The following NCOA1 variants were observed in gnomAD, a reference collection of about 807,000 sequenced individuals.
NCOA1 encodes the protein Hin-2 protein.
Under a neutral mutation model 150.9 loss-of-function variants are expected in NCOA1, and 35 were observed. The ratio of observed to expected loss-of-function variants is 0.23; its 90% CI spans 0.18 to 0.31. NCOA1 has a LOEUF of 0.31. NCOA1 is among the 10% of genes least tolerant of loss of function. The pLI, the probability that NCOA1 is intolerant of heterozygous loss-of-function variation, is 1.00. For missense variants in NCOA1, 1,491 were observed against 1,749.3 expected (o/e 0.85, Z 2.63); for synonymous variants, 590 against 630.0 (o/e 0.94, Z 0.95).
At chr2:24,658,373 C>G (rs975184833) in intron 4 of NCOA1, among the ~76,000 whole-genome samples, 7 of 152,152 alleles carry the variant, frequency 4.6e-5, no homozygotes, top group Non-Finnish European at 8.8e-5. Flanking sequence ...AAAAAAATCT[C>G]AGTATCTATT....
At chr2:24,751,834 T>C in intron 19 of NCOA1, 148 bp from the exon 20 acceptor site, 1 of 769,414 alleles carries the variant, frequency 1.3e-6, no homozygotes, top group Admixed American at 3.2e-5. Context: ...TTGAATGCGA[T>C]ATTTGTAAAT....
At chr2:24,648,747 A>G (rs1348446121) in intron 4 of NCOA1, among the ~76,000 whole-genome samples, 2 of 152,212 alleles carry the variant, frequency 1.3e-5, no homozygotes, top group Non-Finnish European at 2.9e-5. Context: ...CTTCTACCAT[A>G]TACCATTAAA....
At chr2:24,636,069 T>G (rs553862133) in intron 3 of NCOA1, among the ~76,000 whole-genome samples, 3 of 152,126 alleles carry the variant, frequency 2.0e-5, no homozygotes, top group Non-Finnish European at 2.9e-5. Flanking sequence ...AAACAGACAT[T>G]AAAAAGCATT....
intron 2 of NCOA1, among the ~76,000 whole-genome samples, chr2:24,582,128 A>AATAG (rs1667216960): frequency 6.6e-6 from 1 of 152,216 alleles, no homozygotes; most frequent in African/African-American, 2.4e-5. Flanking sequence ...AAGAGAAGGA[A>AATAG]ATAGAAGGCA....
chr2:24,564,185 A>G (rs1231874353), intron 1 of NCOA1, 110 bp from the exon 2 acceptor site: 2 of 152,254 alleles, frequency 1.3e-5, no homozygotes, highest in African/African-American at 2.4e-5. Context: ...TTGAATAACT[A>G]AAGCATCTGT....
At chr2:24,731,713 T>C (rs994513714) in intron 17 of NCOA1, among the ~76,000 whole-genome samples, 5 of 152,202 alleles carry the variant, frequency 3.3e-5, no homozygotes, top group African/African-American at 1.2e-4. Flanking sequence ...TGTTCTGAGA[T>C]ATTAATTGAA....
In NCOA1 at chr2:24,503,412, T is replaced by C. The variant is rs972461952; in HGVS notation, c.-396+11810T>C. ...GATGGGAACACTAATTCCTCATGTA[T>C]TGAGGATTACTACATTTCTGTTTTA... On this transcript the variant is annotated intron_variant, in intron 1 of 22. Transcript: ENST00000348332. Among the ~76,000 whole-genome samples, 119 of 152,292 alleles carry C rather than the reference T, an allele frequency of 7.8e-4. 1 individual carries two copies. Among genetic ancestry groups the C allele is most frequent in the African/African-American group, 2.7e-3 (111 of 41,558 alleles).
intron 22 of NCOA1, 46 bp from the exon 23 acceptor site, chr2:24,768,175 G>T: frequency 1.2e-6 from 2 of 1,613,472 alleles, no homozygotes; most frequent in Non-Finnish European, 1.7e-6. Context: ...CATAAGCCGG[G>T]GGGGCAGACC....
chr2:24,670,899 A>G (rs1454797945), intron 6 of NCOA1, among the ~76,000 whole-genome samples: 1 of 152,230 alleles, frequency 6.6e-6, no homozygotes, highest in Non-Finnish European at 1.5e-5. Flanking sequence ...ATAGGTTTGC[A>G]AAAATTAAAA....
chr2:24,749,102 A>G lies in NCOA1; in HGVS notation c.3707-2880A>G, dbSNP rs138971888. On this transcript the variant is annotated intron_variant, in intron 19 of 22. Coordinates refer to ENST00000348332, the MANE Select transcript of NCOA1 (RefSeq NM_003743.5). ...TTTAAAAAACATTTTTACACTTTTA[A>G]ATTCTAATGGATATCTACTTTGGGC... is the stretch of plus-strand genomic sequence containing the variant. Among the ~76,000 whole-genome samples the G allele has an allele frequency of 3.9e-5, 6 of 152,382 alleles. No homozygotes were observed. The East Asian group carries it at 1.2e-3, about 29-fold the overall frequency.
intron 4 of NCOA1, among the ~76,000 whole-genome samples, chr2:24,652,916 A>G (rs1387573907): frequency 1.3e-5 from 2 of 152,180 alleles, no homozygotes; most frequent in African/African-American, 4.8e-5. Flanking sequence ...TACAACTGTA[A>G]TAGTTTTTCC....
At chr2:24,575,554 A>G (rs576708431) in intron 2 of NCOA1, among the ~76,000 whole-genome samples, 140 of 151,008 alleles carry the variant, frequency 9.3e-4, no homozygotes, top group African/African-American at 3.3e-3. Flanking sequence ...TTTGTGATAA[A>G]GAGGCCATTT....
Position 24,665,397 on chromosome 2 carries a change from A to G in NCOA1, c.90-352A>G, listed in dbSNP as rs556425079. ...AAAATTCAGATTTTTCTATTTCAAGAAGTTATTCATAATATAAAGTAGTTC... is the reference window on the plus strand; with the variant it reads ...AAAATTCAGATTTTTCTATTTCAAGGAGTTATTCATAATATAAAGTAGTTC... On this transcript the variant is annotated intron_variant, in intron 5 of 22. Transcript: ENST00000348332. 2.7e-4 allele frequency among the ~76,000 whole-genome samples: 41 copies of G among 152,292 alleles called. 1 individual carries two copies. Among genetic ancestry groups the G allele is most frequent in the Non-Finnish European group, 5.1e-4 (35 of 68,006 alleles).
intron 1 of NCOA1, among the ~76,000 whole-genome samples, chr2:24,555,219 C>A (rs1666025042): frequency 6.6e-6 from 1 of 152,018 alleles, no homozygotes; most frequent in South Asian, 2.1e-4. Flanking sequence ...TTGTTTAACC[C>A]ATGGAGTATT....
chr2:24,633,811 A>G (rs183571579), intron 3 of NCOA1, among the ~76,000 whole-genome samples: 1 of 152,360 alleles, frequency 6.6e-6, no homozygotes, highest in Admixed American at 6.5e-5. Context: ...TGCAAATATT[A>G]CAATCTAGAA....
chr2:24,756,469 C>T (rs1366584096), intron 20 of NCOA1, among the ~76,000 whole-genome samples: 1 of 152,102 alleles, frequency 6.6e-6, no homozygotes, highest in Non-Finnish European at 1.5e-5. Context: ...GATAAATAGG[C>T]TGTTTATTGG....
intron 2 of NCOA1, among the ~76,000 whole-genome samples, chr2:24,573,811 A>G (rs1217120429): frequency 6.6e-6 from 1 of 152,074 alleles, no homozygotes; most frequent in Non-Finnish European, 1.5e-5. Context: ...ATACCGGGTC[A>G]AACAGGAGAT....
chr2:24,754,233 C>T (rs999358090), intron 20 of NCOA1, among the ~76,000 whole-genome samples: 4 of 152,134 alleles, frequency 2.6e-5, no homozygotes, highest in Admixed American at 2.6e-4. Context: ...CATGGGTAGC[C>T]AGAGCCATGC....
chr2:24,576,687 G>A (rs933924223), intron 2 of NCOA1, among the ~76,000 whole-genome samples: 1 of 152,158 alleles, frequency 6.6e-6, no homozygotes, highest in African/African-American at 2.4e-5. Flanking sequence ...GGATTAAGAT[G>A]TGGGCCTAAG....
Sources: allele counts gnomAD v4.1 joint callset (sites outside exome capture counted in the v4.1 genomes callset), GRCh38; gene constraint gnomAD v4.1.1; transcripts MANE v1.5; gene names NCBI Gene and HGNC (gene_info 2026-07-23, HGNC 2026-07-21).